ERMARD: variants seen among roughly 807,000 people sequenced by gnomAD.
ERMARD encodes the protein ER membrane associated RNA degradation.
In ERMARD, 71 loss-of-function variants were observed where a neutral mutation model predicts 83.9. The observed-to-expected ratio is 0.85, with a 90% confidence interval of 0.70 to 1.03. ERMARD has a LOEUF of 1.03. Among genes scored for constraint, ERMARD ranks in the 50% least tolerant of loss-of-function variants. The probability of loss-of-function intolerance (pLI) is 0.00; values close to 1 mark genes in which losing one functional copy is unlikely to be tolerated. For synonymous variants in ERMARD, 284 were observed against 298.6 expected, an observed-to-expected ratio of 0.95 and a Z score of 0.50; for missense variants, 838 against 810.9, an observed-to-expected ratio of 1.03 and a Z score of -0.41.
At chr6:169,781,281 G>A in intron 17 of ERMARD, 49 bp from the exon 18 acceptor site, 1 of 1,492,380 alleles carries the variant, frequency 6.7e-7, no homozygotes, top group Non-Finnish European at 8.9e-7. Context: ...TTAATTCATT[G>A]TTTCATTTTA....
In ERMARD at chr6:169,751,753, G is replaced by A. The variant is rs1353519992; in HGVS notation, c.6+90G>A. 7.7e-6 allele frequency: 11 copies of A among 1,435,636 alleles called. No homozygotes were observed. The African/African-American group carries it at 1.5e-4, about 20-fold the overall frequency. 88.9% of individuals were successfully genotyped at this position (1,435,636 alleles called of 1,614,324 possible). On this transcript the variant is annotated intron_variant, in intron 1 of 17. Coordinates refer to ENST00000366773, the MANE Select transcript of ERMARD (RefSeq NM_018341.3). ...GTGCTCGGCTACGCGGAGTGGGCGAGCGAGCACGCGCCTGCGGTGGCCGGC... is the reference window on the plus strand; with the variant it reads ...GTGCTCGGCTACGCGGAGTGGGCGAACGAGCACGCGCCTGCGGTGGCCGGC...
intron 17 of ERMARD, among the ~76,000 whole-genome samples, chr6:169,779,694 T>C (rs745633546): frequency 1.3e-5 from 2 of 152,218 alleles, no homozygotes; most frequent in Admixed American, 6.5e-5. Context: ...GGTCTCACTA[T>C]GTTGCCCTTC....
chr6:169,770,004 A>T (rs1451997718), intron 12 of ERMARD, among the ~76,000 whole-genome samples: 3 of 152,244 alleles, frequency 2.0e-5, no homozygotes, highest in African/African-American at 7.2e-5. Context: ...ATAAAACAGG[A>T]TTAACCAAAT....
intron 1 of ERMARD, 114 bp from the exon 2 acceptor site, chr6:169,753,750 G>A: frequency 1.5e-6 from 1 of 672,950 alleles, no homozygotes; most frequent in Non-Finnish European, 2.3e-6. Flanking sequence ...CAGAAAGCAT[G>A]TTAACAGCAA....
chr6:169,769,746 TTAAC>T, intron 12 of ERMARD, 33 bp downstream of exon 12: 1 of 1,535,570 alleles, frequency 6.5e-7, no homozygotes, highest in Non-Finnish European at 8.8e-7. Flanking sequence ...ATTAATTAGA[TTAAC>T]TCATTCAGCT....
Position 169,759,066 on chromosome 6 carries a change from G to T in ERMARD, c.605+1G>T. The stretch of plus-strand genomic sequence containing the variant: ...CGTCACCTGAAGAAATTCCTCCAAA[G>T]TAAGTTGCAAGTGAAGACATTTTCT... On this transcript the variant is annotated splice_donor_variant, in intron 6 of 17. Coordinates refer to ENST00000366773, the MANE Select transcript of ERMARD (RefSeq NM_018341.3). LOFTEE classifies it high-confidence loss of function. The T allele has an allele frequency of 6.2e-7, 1 of 1,612,804 alleles. No individual in the cohort carries two copies. Among genetic ancestry groups the T allele is most frequent in the Non-Finnish European group, 8.5e-7 (1 of 1,179,364 alleles).
In ERMARD at chr6:169,779,260, T is replaced by C; in HGVS notation, c.1818T>C (p.Cys606=). 5 of 1,614,216 alleles carry C rather than the reference T, an allele frequency of 3.1e-6. No homozygotes were observed. Among genetic ancestry groups the C allele is most frequent in the Non-Finnish European group, 4.2e-6 (5 of 1,180,042 alleles). Residue 606 remains cysteine (C), a synonymous_variant, in exon 17 of 18, where the codon TGT becomes TGC. Coordinates refer to ENST00000366773, the MANE Select transcript of ERMARD (RefSeq NM_018341.3). ...AGTTGGTCAACATTCATGCTGTTTG[T>C]GGGAAGAATGCGCATGAGTATCAGC... ...ALELVNIHAV[C]GKNAHEYQQY...
chr6:169,751,655 G>C lies in ERMARD; in HGVS notation c.-3G>C. On this transcript the variant is annotated 5_prime_UTR_variant, in exon 1 of 18. Transcript: ENST00000366773. Reference sequence around the variant, plus strand: ...CGCGCGCCGCAGCGGGGCACCGGAAGTTATGGAGGTAGGGCGGGTGTAGGG... The same window carrying C: ...CGCGCGCCGCAGCGGGGCACCGGAACTTATGGAGGTAGGGCGGGTGTAGGG... 6.4e-7 allele frequency: 1 copy of C among 1,561,914 alleles called. No individual in the cohort carries two copies. Among genetic ancestry groups the C allele is most frequent in the Non-Finnish European group, 8.7e-7 (1 of 1,153,034 alleles).
At chr6:169,777,176 C>T (rs964976919) in intron 16 of ERMARD, among the ~76,000 whole-genome samples, 1 of 152,154 alleles carries the variant, frequency 6.6e-6, no homozygotes, top group African/African-American at 2.4e-5. Flanking sequence ...CTTAGTGTGG[C>T]TCAGTGAAGC....
chr6:169,760,104 G>C, intron 7 of ERMARD, 130 bp downstream of exon 7: 2 of 1,484,260 alleles, frequency 1.3e-6, no homozygotes, highest in Non-Finnish European at 1.8e-6. Flanking sequence ...ATGGCTTTCA[G>C]AGTTGCTTGA....
chr6:169,752,099 T>C (rs1039803153), intron 1 of ERMARD, among the ~76,000 whole-genome samples: 2 of 152,168 alleles, frequency 1.3e-5, no homozygotes, highest in Admixed American at 6.5e-5. Flanking sequence ...GTGGGGCCTG[T>C]GGTCCCATCT....
rs1176145975 is a variant in ERMARD at position 169,766,714 on chromosome 6, T to C, written c.990+47T>C. ...GTAACTTGAAACAAACAGAACGCTG[T>C]CTTCTTTTAAAATACAAATTAAAAT... is the stretch of plus-strand genomic sequence containing the variant. On this transcript the variant is annotated intron_variant, in intron 10 of 17. Coordinates refer to ENST00000366773, the MANE Select transcript of ERMARD (RefSeq NM_018341.3). 3 of 1,528,696 alleles carry C rather than the reference T, an allele frequency of 2.0e-6. No homozygotes were observed. In the South Asian group the frequency reaches 3.8e-5, roughly 19 times the overall value. The allele number at this position is 1,528,696 out of a possible 1,614,324, so 94.7% of individuals were successfully genotyped here.
At chr6:169,763,792 C>A (rs998713027) in intron 9 of ERMARD, among the ~76,000 whole-genome samples, 7 of 152,216 alleles carry the variant, frequency 4.6e-5, no homozygotes, top group Non-Finnish European at 7.3e-5. Flanking sequence ...GAAAATGAAA[C>A]CCAACACATG....
intron 9 of ERMARD, among the ~76,000 whole-genome samples, chr6:169,764,193 C>T (rs1376892280): frequency 2.6e-5 from 4 of 152,110 alleles, no homozygotes; most frequent in South Asian, 4.2e-4. Context: ...CCGAGCTCAT[C>T]TCACGATTCT....
chr6:169,759,899 C>A lies in ERMARD; in HGVS notation c.667C>A (p.Gln223Lys), dbSNP rs549327505. The A allele has an allele frequency of 6.2e-7, 1 of 1,614,214 alleles. No individual in the cohort carries two copies. Among genetic ancestry groups the A allele is most frequent in the Non-Finnish European group, 8.5e-7 (1 of 1,180,038 alleles). The part of the protein sequence containing the change: ...GLGQLLKSYL[Q>K]NTKLTLAHRS... The stretch of plus-strand genomic sequence containing the variant: ...GGGTCAGTTACTGAAGAGTTACCTT[C>A]AAAACACTAAACTTACATTGGCACA... Residue 223 changes from glutamine (Q) to lysine (K), a missense_variant, in exon 7 of 18, where the codon CAA (glutamine) becomes AAA (lysine). Coordinates refer to ENST00000366773, the MANE Select transcript of ERMARD (RefSeq NM_018341.3).
intron 7 of ERMARD, 70 bp from the exon 8 acceptor site, chr6:169,760,572 C>T (rs1791421367): frequency 1.8e-6 from 2 of 1,142,006 alleles, no homozygotes; most frequent in Admixed American, 4.1e-5. Context: ...GGCATCACTC[C>T]CCCAGCATGT....
chr6:169,754,292 TTGA>T (rs139318930), intron 2 of ERMARD, among the ~76,000 whole-genome samples: 2,075 of 152,266 alleles, frequency 0.014, 41 homozygotes, highest in African/African-American at 0.047. Context: ...TGGTGGGCTG[TTGA>T]TGATGTAGAT....
At position 169,756,883 on chromosome 6, in the gene ERMARD, A is replaced by G. The variant is rs13209742; in HGVS notation, c.507+75A>G. The G allele has an allele frequency of 0.055, 73,005 of 1,326,756 alleles. 2,396 individuals carry two copies. Among genetic ancestry groups the G allele is most frequent in the Non-Finnish European group, 0.066 (61,356 of 934,646 alleles). The allele number at this position is 1,326,756 out of a possible 1,614,324, so 82.2% of individuals were successfully genotyped here. A position where few individuals can be genotyped will look rare whatever the true frequency, so the allele number is the denominator to read the frequency against. ...TGCTGTTAAAGACATACCCAAGACT[A>G]GGAAGAGAAAGAGGTTTAATTGGAC... On this transcript the variant is annotated intron_variant, in intron 5 of 17. Coordinates refer to ENST00000366773, the MANE Select transcript of ERMARD (RefSeq NM_018341.3).
intron 9 of ERMARD, among the ~76,000 whole-genome samples, chr6:169,764,399 G>A (rs933103855): frequency 6.6e-6 from 1 of 151,534 alleles, no homozygotes; most frequent in Non-Finnish European, 1.5e-5. Context: ...GAGTAACTGG[G>A]ACCATAGATG....
Sources: gnomAD v4.1 joint callset for allele counts (sites outside exome capture counted in the v4.1 genomes callset) on GRCh38, gnomAD v4.1.1 for gene constraint, MANE v1.5 for transcripts, NCBI Gene and HGNC (gene_info 2026-07-23, HGNC 2026-07-21) for gene names.